Variants in NXN observed in about 807,000 individuals in gnomAD.
NXN encodes the protein nucleoredoxin 1.
Under a neutral mutation model 48.6 loss-of-function variants are expected in NXN, and 16 were observed. That is an observed-to-expected ratio of 0.33 (90% CI 0.22 to 0.50). NXN has a LOEUF of 0.50. Among genes scored for constraint, NXN ranks in the 20% least tolerant of loss-of-function variants. The pLI is 0.98. For missense variants in NXN, 492 were observed against 605.5 expected, an observed-to-expected ratio of 0.81 and a Z score of 1.97; for synonymous variants, 281 against 269.6, an observed-to-expected ratio of 1.04 and a Z score of -0.41.
intron 5 of NXN, among the ~76,000 whole-genome samples, chr17:816,106 G>A (rs139233797): frequency 2.3e-4 from 35 of 152,290 alleles, no homozygotes; most frequent in African/African-American, 8.4e-4. Context: ...TGGGCCCTAC[G>A]TAGCTGACTA....
At chr17:803,963 G>A (rs990854890) in intron 6 of NXN, 157 bp from the exon 7 acceptor site, 42 of 873,140 alleles carry the variant, frequency 4.8e-5, no homozygotes, top group African/African-American at 4.4e-4. Flanking sequence ...CTTGCTCCCC[G>A]CATGCATGGG....
intron 1 of NXN, among the ~76,000 whole-genome samples, chr17:934,180 T>G (rs943477289): frequency 1.3e-5 from 2 of 152,080 alleles, no homozygotes; most frequent in African/African-American, 4.8e-5. Flanking sequence ...GCGCGGTGGC[T>G]CACGCCTGTA....
intron 1 of NXN, among the ~76,000 whole-genome samples, chr17:860,075 T>C (rs2144776073): frequency 6.6e-6 from 1 of 152,256 alleles, no homozygotes; most frequent in East Asian, 1.9e-4. Context: ...AAAGTGAGCC[T>C]TCTCTTTGTA....
At chr17:897,924 G>A (rs142550452) in intron 1 of NXN, among the ~76,000 whole-genome samples, 6,197 of 152,258 alleles carry the variant, frequency 0.041, 184 homozygotes, top group Middle Eastern at 0.099. Flanking sequence ...CAGGTGATCC[G>A]CCCACCTCGG....
At chr17:970,592 G>T (rs920062877) in intron 1 of NXN, among the ~76,000 whole-genome samples, 4 of 152,152 alleles carry the variant, frequency 2.6e-5, no homozygotes, top group Admixed American at 2.6e-4. Context: ...CACACCTAGA[G>T]GAAGAAAGCC....
At chr17:811,534 C>A (rs1219587241) in intron 5 of NXN, among the ~76,000 whole-genome samples, 1 of 151,686 alleles carries the variant, frequency 6.6e-6, no homozygotes, top group Non-Finnish European at 1.5e-5. Context: ...ACTCTGGAAG[C>A]CAGTTATTCC....
chr17:955,706 C>T (rs1437263764), intron 1 of NXN, among the ~76,000 whole-genome samples: 3 of 150,934 alleles, frequency 2.0e-5, no homozygotes, highest in Non-Finnish European at 4.4e-5. Context: ...ACCATCCTGG[C>T]TAACACGGTG....
chr17:858,529 C>T (rs962611367), intron 1 of NXN, among the ~76,000 whole-genome samples: 5 of 151,428 alleles, frequency 3.3e-5, no homozygotes, highest in African/African-American at 1.2e-4. Context: ...AGATCGAGAC[C>T]ATCCTGGCTA....
chr17:842,456 G>A (rs555772101), intron 1 of NXN: 1 of 946,218 alleles, frequency 1.1e-6, no homozygotes, highest in East Asian at 1.2e-4. Context: ...GATCCCGGCG[G>A]GGAAGGCCAC....
intron 1 of NXN, among the ~76,000 whole-genome samples, chr17:853,432 AGT>A (rs2067946756): frequency 6.6e-6 from 1 of 151,936 alleles, no homozygotes; most frequent in Admixed American, 6.6e-5. Context: ...TGGCTGACAG[AGT>A]GAGACTCTGC....
intron 1 of NXN, among the ~76,000 whole-genome samples, chr17:948,531 AG>A (rs2069071243): frequency 6.6e-6 from 1 of 152,046 alleles, no homozygotes; most frequent in South Asian, 2.1e-4. Context: ...GGAACTGTAC[AG>A]GGCCCGGCCC....
intron 1 of NXN, among the ~76,000 whole-genome samples, chr17:944,887 C>T (rs72812058): frequency 0.03 from 4,495 of 151,902 alleles, 102 homozygotes; most frequent in Non-Finnish European, 0.045. Context: ...ATTTAAAAAC[C>T]AACAATAACA....
rs1003956107 is a variant in NXN at position 920,405 on chromosome 17, C to T, written c.360+58914G>A. On this transcript the variant is annotated intron_variant, in intron 1 of 7. Transcript: ENST00000336868. The surrounding 1 kb of genome is among the most constrained non-coding windows in gnomAD (Gnocchi z 4.6). ...GGGATACCTAGGCCCTCCTGTCATG[C>T]CCCAAGGCCAATGTAGCCTTGGGGA... Among the ~76,000 whole-genome samples the T allele has an allele frequency of 1.5e-4, 17 of 111,910 alleles. No individual in the cohort carries two copies. Among genetic ancestry groups the T allele is most frequent in the Admixed American group, 5.9e-4 (7 of 11,950 alleles). 73.4% of individuals were successfully genotyped at this position (111,910 alleles called of 152,430 possible).
chr17:937,826 G>T (rs959260836), intron 1 of NXN, among the ~76,000 whole-genome samples: 10 of 152,236 alleles, frequency 6.6e-5, no homozygotes, highest in Non-Finnish European at 1.3e-4. Context: ...GCTCAGAAAT[G>T]TCTTTCGTTT....
At chr17:900,120 C>T (rs543280588) in intron 1 of NXN, among the ~76,000 whole-genome samples, 3 of 152,058 alleles carry the variant, frequency 2.0e-5, no homozygotes, top group South Asian at 2.1e-4. Context: ...ACAAAATTAG[C>T]GGGGTGTGGT....
Position 956,267 on chromosome 17 carries a change from G to A in NXN, c.360+23052C>T, listed in dbSNP as rs1015954255. ...GGTGCCAAGTATTTACTAATAAGAGGTGTCGAACGTGTTAAGTAAGAAGGA... is the reference window on the plus strand; with the variant it reads ...GGTGCCAAGTATTTACTAATAAGAGATGTCGAACGTGTTAAGTAAGAAGGA... On this transcript the variant is annotated intron_variant, in intron 1 of 7. Coordinates refer to ENST00000336868, the MANE Select transcript of NXN (RefSeq NM_022463.5). This position sits in a 1 kb window ranked among gnomAD's most constrained non-coding sequence, Gnocchi z 4.1. Among the ~76,000 whole-genome samples the A allele has an allele frequency of 1.3e-5, 2 of 152,060 alleles. No homozygotes were observed. The highest frequency in any genetic ancestry group is 4.8e-5 in the African/African-American group (2 of 41,392).
intron 1 of NXN, among the ~76,000 whole-genome samples, chr17:977,805 A>G (rs73279331): frequency 0.016 from 2,437 of 152,348 alleles, 82 homozygotes; most frequent in African/African-American, 0.056. Flanking sequence ...AAAACAAAGG[A>G]TTCTCGTATT....
chr17:831,036 A>C (rs1173389130), intron 1 of NXN, among the ~76,000 whole-genome samples: 1 of 151,194 alleles, frequency 6.6e-6, no homozygotes, highest in Non-Finnish European at 1.5e-5. Flanking sequence ...ACCTATGCTG[A>C]TTGGGTTACT....
At chr17:959,360 C>A in intron 1 of NXN, 1 of 230,874 alleles carries the variant, frequency 4.3e-6, no homozygotes, top group South Asian at 1.5e-4. Context: ...TACGTGGAGT[C>A]GCGCAGAGGC....
Sources: allele counts gnomAD v4.1 joint callset (sites outside exome capture counted in the v4.1 genomes callset), GRCh38; gene constraint gnomAD v4.1.1; non-coding constraint Gnocchi (gnomAD v3.1); transcripts MANE v1.5; gene names NCBI Gene and HGNC (gene_info 2026-07-23, HGNC 2026-07-21).